Variants in ANPEP observed in about 807,000 individuals in gnomAD.
ANPEP encodes aminopeptidase N.
ANPEP carries 70 observed loss-of-function variants against 114.6 expected under a neutral mutation model. The observed-to-expected ratio is 0.61, with a 90% CI of 0.50 to 0.75. The LOEUF (loss-of-function observed/expected upper bound fraction) is 0.75. ANPEP is among the 30% of genes least tolerant of loss of function. The pLI is 0.00. For synonymous variants in ANPEP, 548 were observed against 522.3 expected, an observed-to-expected ratio of 1.05 and a Z score of -0.67; for missense variants, 1,184 against 1,259.5, an observed-to-expected ratio of 0.94 and a Z score of 0.91.
intron 1 of ANPEP, among the ~76,000 whole-genome samples, chr15:89,812,993 A>G (rs1007533128): frequency 3.9e-5 from 6 of 152,090 alleles, no homozygotes; most frequent in Non-Finnish European, 8.8e-5. Context: ...GGCTGCTTCC[A>G]GACACAGGCC....
intron 14 of ANPEP, among the ~76,000 whole-genome samples, chr15:89,797,978 C>G (rs549447179): frequency 6.6e-6 from 1 of 152,324 alleles, no homozygotes; most frequent in East Asian, 1.9e-4. Flanking sequence ...TGCTTATTAT[C>G]CCCATTTTAC....
chr15:89,800,810 C>T (rs1894573019), intron 12 of ANPEP, among the ~76,000 whole-genome samples: 1 of 152,142 alleles, frequency 6.6e-6, no homozygotes, highest in South Asian at 2.1e-4. Flanking sequence ...GCCTCGGCCT[C>T]CCAAAGTGCT....
intron 18 of ANPEP, 45 bp from the exon 19 acceptor site, chr15:89,791,138 C>T (rs747422950): frequency 1.2e-6 from 2 of 1,606,062 alleles, no homozygotes; most frequent in Non-Finnish European, 1.7e-6. Flanking sequence ...ATTCAGGTGA[C>T]TCAGGAGAGA....
In ANPEP at chr15:89,803,722, C is replaced by T. The variant is rs747845929; in HGVS notation, c.1362G>A (p.Pro454=). ...MAVDALASSH[P]LSTPASEINT... ...TGATCTCCGAGGCGGGTGTGGACAG[C>T]GGGTGGGAGGAGGCCAGTGCATCCA... The change falls in exon 8 of 21, where the codon CCG becomes CCA. Residue 454 remains proline (P), a synonymous_variant. Coordinates refer to ENST00000300060, the MANE Select transcript of ANPEP (RefSeq NM_001150.3). This position sits in a 1 kb window ranked among gnomAD's most constrained non-coding sequence, Gnocchi z 4.2. The T allele has an allele frequency of 4.3e-6, 7 of 1,612,434 alleles. No individual in the cohort carries two copies. The highest frequency in any genetic ancestry group is 1.1e-5 in the South Asian group (1 of 90,946).
intron 18 of ANPEP, among the ~76,000 whole-genome samples, chr15:89,791,524 G>A (rs902939092): frequency 1.3e-5 from 2 of 151,758 alleles, no homozygotes; most frequent in Non-Finnish European, 2.9e-5. Context: ...TGTAACCTTC[G>A]CCTGCCAGGT....
At chr15:89,794,579 G>C (rs1567156208) in intron 15 of ANPEP, among the ~76,000 whole-genome samples, 1 of 152,136 alleles carries the variant, frequency 6.6e-6, no homozygotes, top group Non-Finnish European at 1.5e-5. Context: ...GGAAGATGAA[G>C]TCAAAGTCTA....
At chr15:89,790,314 C>A in intron 20 of ANPEP, 146 bp downstream of exon 20, 1 of 636,836 alleles carries the variant, frequency 1.6e-6, no homozygotes. Flanking sequence ...TTTCCAAAGT[C>A]TGGCTACTCG....
At chr15:89,785,945 G>A (rs1409312147) in intron 20 of ANPEP, among the ~76,000 whole-genome samples, 1 of 152,158 alleles carries the variant, frequency 6.6e-6, no homozygotes, top group African/African-American at 2.4e-5. Context: ...CCAAGAGAAT[G>A]AAATGAAAGG....
Position 89,806,682 on chromosome 15 carries a change from C to A in ANPEP, c.-99G>T, listed in dbSNP as rs1416063062. On this transcript the variant is annotated 5_prime_UTR_variant, in exon 2 of 21. Coordinates refer to ENST00000300060, the MANE Select transcript of ANPEP (RefSeq NM_001150.3). This position sits in a 1 kb window ranked among gnomAD's most constrained non-coding sequence, Gnocchi z 5.7. The stretch of plus-strand genomic sequence containing the variant: ...TCCCCAAAGGGGAGGAGCCCCACAA[C>A]AGGCAGACTGGGCAAAAATTAACCA... 1.4e-6 allele frequency: 2 copies of A among 1,447,536 alleles called. No individual in the cohort carries two copies. Among genetic ancestry groups the A allele is most frequent in the Admixed American group, 5.6e-5 (2 of 35,632 alleles). 89.7% of individuals were successfully genotyped at this position (1,447,536 alleles called of 1,614,324 possible).
At chr15:89,798,769 A>C (rs561468448) in intron 14 of ANPEP, among the ~76,000 whole-genome samples, 1 of 151,950 alleles carries the variant, frequency 6.6e-6, no homozygotes, top group Admixed American at 6.6e-5. Flanking sequence ...GTGAAACCCC[A>C]TCTCTACTAA....
chr15:89,791,313 C>T (rs1280322221), intron 18 of ANPEP, among the ~76,000 whole-genome samples: 1 of 152,218 alleles, frequency 6.6e-6, no homozygotes, highest in Non-Finnish European at 1.5e-5. Context: ...TCATGCCTGA[C>T]ATAGAAATAT....
intron 1 of ANPEP, among the ~76,000 whole-genome samples, chr15:89,811,404 C>T (rs911537147): frequency 3.3e-5 from 5 of 152,020 alleles, no homozygotes; most frequent in African/African-American, 4.8e-5. Context: ...CCCTGCACTT[C>T]GGGAGGCTGA....
At position 89,806,504 on chromosome 15, in the gene ANPEP, A is replaced by G; in HGVS notation, c.80T>C (p.Ile27Thr). ...CTGGGAGTACACCACTGACAGTGCG[A>G]TGATTGTGCACACGGCTGCCACGCC... ...LLGVAAVCTI[I>T]ALSVVYSQEK... The change falls in exon 2 of 21, where the codon ATC (isoleucine) becomes ACC (threonine). Residue 27 changes from isoleucine to threonine, a missense_variant. Ile to Thr is a moderately conservative substitution (Grantham distance 89, BLOSUM62 -1). Coordinates refer to ENST00000300060, the MANE Select transcript of ANPEP (RefSeq NM_001150.3). The surrounding 1 kb of genome is among the most constrained non-coding windows in gnomAD (Gnocchi z 5.7). The G allele has an allele frequency of 6.2e-7, 1 of 1,613,952 alleles. No homozygotes were observed. The highest frequency in any genetic ancestry group is 1.6e-4 in the Middle Eastern group (1 of 6,062).
rs780694113 is a variant in ANPEP at position 89,792,351 on chromosome 15, G to A, written c.2361-24C>T. The A allele has an allele frequency of 3.7e-6, 6 of 1,613,672 alleles. No homozygotes were observed. In the South Asian group the frequency reaches 6.6e-5, roughly 18 times the overall value. On this transcript the variant is annotated intron_variant, in intron 17 of 20. Coordinates refer to ENST00000300060, the MANE Select transcript of ANPEP (RefSeq NM_001150.3). ...TCCTGGTGTGGGGTAGGGAGGTCAG[G>A]TGTGGAACAGCAGCGGGGAGGGTGG...
chr15:89,785,537 G>T, intron 20 of ANPEP, 36 bp from the exon 21 acceptor site: 1 of 1,547,994 alleles, frequency 6.5e-7, no homozygotes, highest in South Asian at 1.1e-5. Context: ...GTCCGGCTGG[G>T]TCCCTAACAG....
chr15:89,805,879 C>T (rs533274326), intron 2 of ANPEP, 91 bp downstream of exon 2: 1 of 1,496,366 alleles, frequency 6.7e-7, no homozygotes, highest in Non-Finnish European at 9.0e-7. Flanking sequence ...GGTTCAAAGG[C>T]CTGCAAGCTA....
chr15:89,795,091 GAAAAAAA>G (rs57368902), intron 15 of ANPEP, among the ~76,000 whole-genome samples: 1 of 130,342 alleles, frequency 7.7e-6, no homozygotes, highest in Non-Finnish European at 1.6e-5. Context: ...CGAGTCAATG[GAAAAAAA>G]AAAAAAAAGG....
chr15:89,807,871 C>T (rs532014296), intron 1 of ANPEP, among the ~76,000 whole-genome samples: 8 of 152,116 alleles, frequency 5.3e-5, no homozygotes, highest in Admixed American at 2.6e-4. Flanking sequence ...TCTCAGACCT[C>T]GACACCGCCT....
chr15:89,806,245 G>A lies in ANPEP; in HGVS notation c.339C>T (p.Cys113=). 1 of 1,614,132 alleles carries A rather than the reference G, an allele frequency of 6.2e-7. No homozygotes were observed. Among genetic ancestry groups the A allele is most frequent in the Middle Eastern group, 1.6e-4 (1 of 6,062 alleles). Residue 113 remains cysteine (C), a synonymous_variant, in exon 2 of 21, where the codon TGC becomes TGT. Transcript: ENST00000300060. The surrounding 1 kb of genome is among the most constrained non-coding windows in gnomAD (Gnocchi z 5.7). Reference sequence around the variant, plus strand: ...TGATGATGACGTCAGTGGCCTCCTTGCAGGTGAAACGGACGGTGCTGGAGC... The same window carrying A: ...TGATGATGACGTCAGTGGCCTCCTTACAGGTGAAACGGACGGTGCTGGAGC... ...FKGSSTVRFT[C]KEATDVIIIH... is the part of the protein sequence containing the mutation.
Sources: allele counts gnomAD v4.1 joint callset (sites outside exome capture counted in the v4.1 genomes callset), GRCh38; gene constraint gnomAD v4.1.1; non-coding constraint Gnocchi (gnomAD v3.1); transcripts MANE v1.5; gene names NCBI Gene and HGNC (gene_info 2026-07-23, HGNC 2026-07-21).